The following TNNT1 variants were observed in gnomAD, a reference collection of about 807,000 sequenced individuals.
TNNT1 encodes troponin T, slow skeletal muscle.
In TNNT1, 53 loss-of-function variants were observed where a neutral mutation model predicts 50.6. That is an observed-to-expected ratio of 1.05 (90% CI 0.84 to 1.32). The LOEUF is 1.32. Ranked by LOEUF, TNNT1 falls within the 40% of genes most tolerant of loss-of-function variation. The probability of loss-of-function intolerance (pLI) is 0.00; values close to 1 mark genes in which losing one functional copy is unlikely to be tolerated. For missense variants in TNNT1, 348 were observed against 381.7 expected, an observed-to-expected ratio of 0.91 and a Z score of 0.74; for synonymous variants, 142 against 138.0, an observed-to-expected ratio of 1.03 and a Z score of -0.20.
At chr19:55,145,705 G>A in intron 5 of TNNT1, 140 bp from the exon 6 acceptor site, 2 of 808,920 alleles carry the variant, frequency 2.5e-6, no homozygotes, top group Non-Finnish European at 4.2e-6. Flanking sequence ...CAGTTCTGGA[G>A]GAGGGGGGAT....
Position 55,143,291 on chromosome 19 carries a change from C to T in TNNT1, c.129-1371G>A, listed in dbSNP as rs114376389. ...CTGGGACTATAGGCGTGAGCCACTG[C>T]GCCCAGCCTTTAGTAAGAAATTGTA... On this transcript the variant is annotated intron_variant, in intron 6 of 13. Coordinates refer to ENST00000588981, the MANE Select transcript of TNNT1 (RefSeq NM_003283.6). Among the ~76,000 whole-genome samples, 315 of 152,270 alleles carry T rather than the reference C, an allele frequency of 2.1e-3. 2 individuals are homozygous for T. The highest frequency in any genetic ancestry group is 7.1e-3 in the African/African-American group (297 of 41,550).
At chr19:55,144,406 G>T (rs1192345873) in intron 6 of TNNT1, among the ~76,000 whole-genome samples, 1 of 151,702 alleles carries the variant, frequency 6.6e-6, no homozygotes, top group Non-Finnish European at 1.5e-5. Context: ...TAGAGACAGG[G>T]TCTTGCTCTG....
chr19:55,145,688 T>C, intron 5 of TNNT1, 123 bp from the exon 6 acceptor site: 3 of 969,178 alleles, frequency 3.1e-6, no homozygotes, highest in Non-Finnish European at 3.3e-6. Flanking sequence ...GGAAGGACTC[T>C]GGAGTCCAGT....
intron 7 of TNNT1, among the ~76,000 whole-genome samples, chr19:55,141,505 CTTT>C (rs751662002): frequency 9.0e-5 from 13 of 143,822 alleles, no homozygotes; most frequent in Admixed American, 6.9e-4. Flanking sequence ...GGACCGGCGC[CTTT>C]TTTTTTTTTT....
chr19:55,143,264 T>G (rs1243778395), intron 6 of TNNT1, among the ~76,000 whole-genome samples: 2 of 151,770 alleles, frequency 1.3e-5, no homozygotes, highest in Non-Finnish European at 2.9e-5. Context: ...CCTCCCAGAG[T>G]GCTGGGACTA....
At chr19:55,141,832 T>G (rs2085461618) in intron 7 of TNNT1, 25 bp downstream of exon 7, 2 of 1,613,176 alleles carry the variant, frequency 1.2e-6, no homozygotes, top group Admixed American at 3.3e-5. Flanking sequence ...CAACTGCGCC[T>G]GCGGAGGGGT....
Position 55,134,075 on chromosome 19 carries a change from C to G in TNNT1, c.741G>C (p.Gln247His). 1.9e-6 allele frequency: 3 copies of G among 1,613,016 alleles called. No homozygotes were observed. The highest frequency in any genetic ancestry group is 2.5e-6 in the Non-Finnish European group (3 of 1,179,858). The change falls in exon 12 of 14, where the codon CAG (glutamine) becomes CAC (histidine). Residue 247 changes from glutamine to histidine, a missense_variant. Gln to His is a conservative substitution (Grantham distance 24). Transcript: ENST00000588981. ...KFDLMAKLKQ[Q>H]KYEINVLYNR... ...CGGAGCTGGGTCTCACCTCATATTT[C>G]TGCTGTTTCAGCTTCGCCATCAGGT...
intron 6 of TNNT1, chr19:55,145,309 AG>A: frequency 3.5e-6 from 2 of 567,426 alleles, no homozygotes; most frequent in Non-Finnish European, 6.3e-6. Context: ...ATGAAGAAGA[AG>A]GGGAAGGAGA....
intron 13 of TNNT1, 82 bp from the exon 14 acceptor site, chr19:55,133,042 C>A (rs1429876241): frequency 1.2e-5 from 15 of 1,278,744 alleles, no homozygotes; most frequent in Middle Eastern, 1.8e-4. Flanking sequence ...TTCAGGAAGC[C>A]CATTCCCCAA....
chr19:55,146,662 G>A lies in TNNT1; in HGVS notation c.73+19C>T. The A allele has an allele frequency of 6.9e-7, 1 of 1,446,174 alleles. No homozygotes were observed. The highest frequency in any genetic ancestry group is 9.2e-7 in the Non-Finnish European group (1 of 1,081,740). The allele number at this position is 1,446,174 out of a possible 1,614,324, so 89.6% of individuals were successfully genotyped here. A position where few individuals can be genotyped will look rare whatever the true frequency, so the allele number is the denominator to read the frequency against. On this transcript the variant is annotated intron_variant, in intron 4 of 13. Coordinates refer to ENST00000588981, the MANE Select transcript of TNNT1 (RefSeq NM_003283.6). ...CCCCCCACCCCCCAGCTCCAGACCTGCGGAGTCCGGGACCTCACCTTCCTC... is the reference window on the plus strand; with the variant it reads ...CCCCCCACCCCCCAGCTCCAGACCTACGGAGTCCGGGACCTCACCTTCCTC...
rs2085298945 is a variant in TNNT1, at chr19:55,134,093, C to T, written c.723G>A (p.Met241Ile). Residue 241 changes from methionine (M) to isoleucine (I), a missense_variant, in exon 12 of 14, where the codon ATG becomes ATA. This residue lies in a region of TNNT1 where 253 missense variants were observed against 291.8 expected (regional missense o/e 0.87). Transcript: ENST00000588981. ...CATATTTCTGCTGTTTCAGCTTCGC[C>T]ATCAGGTCGAACTTCTCAGACTCCA... ...HQLESEKFDLMAKLKQQKYEI... is the reference protein window; with the variant it reads ...HQLESEKFDLIAKLKQQKYEI... 6.2e-7 allele frequency: 1 copy of T among 1,612,798 alleles called. No homozygotes were observed. Among genetic ancestry groups the T allele is most frequent in the African/African-American group, 1.3e-5 (1 of 74,928 alleles).
chr19:55,145,820 C>G (rs1389399225), intron 5 of TNNT1, among the ~76,000 whole-genome samples: 1 of 152,040 alleles, frequency 6.6e-6, no homozygotes, highest in East Asian at 1.9e-4. Context: ...CCCCCACCCC[C>G]ACTGTCTGCA....
chr19:55,142,293 C>T (rs537724518), intron 6 of TNNT1, among the ~76,000 whole-genome samples: 5 of 143,784 alleles, frequency 3.5e-5, no homozygotes, highest in South Asian at 2.1e-4. Flanking sequence ...GCTAATTTTT[C>T]TGTATTTTTA....
Position 55,149,196 on chromosome 19 carries a change from TG to T in TNNT1, c.-48del. 2.2e-6 allele frequency: 1 copy of T among 456,296 alleles called. No individual in the cohort carries two copies. The highest frequency in any genetic ancestry group is 4.4e-6 in the Non-Finnish European group (1 of 226,952). The allele number at this position is 456,296 out of a possible 1,614,324, so 28.3% of individuals were successfully genotyped here. A position where few individuals can be genotyped will look rare whatever the true frequency, so the allele number is the denominator to read the frequency against. On this transcript the variant is annotated 5_prime_UTR_variant, in exon 1 of 14. Coordinates refer to ENST00000588981, the MANE Select transcript of TNNT1 (RefSeq NM_003283.6). ...TCTGAGATGCTGTGAATCTTGAGGC[TG>T]AGCCTTGCTGAGGGCACTGAAGCTC...
intron 9 of TNNT1, among the ~76,000 whole-genome samples, chr19:55,138,279 T>TG (rs945795222): frequency 8.9e-5 from 13 of 146,186 alleles, no homozygotes; most frequent in African/African-American, 3.4e-4. Context: ...CCTTCCCCTC[T>TG]GTTTTTTTTT....
chr19:55,147,012 C>CGGCTGCTCCCTGCGGA lies in TNNT1; in HGVS notation c.33-7_41dup (p.Glu15ProfsTer53), dbSNP rs2085569868. The CGGCTGCTCCCTGCGGA allele has an allele frequency of 6.2e-7, 1 of 1,610,574 alleles. No homozygotes were observed. Among genetic ancestry groups the CGGCTGCTCCCTGCGGA allele is most frequent in the Non-Finnish European group, 8.5e-7 (1 of 1,178,766 alleles). ...GCCGGCCCACTCCCTACTCACCTTC[C>CGGCTGCTCCCTGCGGA]GGCTGCTCCCTGCGGACGGGTGTGG... On this transcript the variant is annotated frameshift_variant, in exon 3 of 14. Coordinates refer to ENST00000588981, the MANE Select transcript of TNNT1 (RefSeq NM_003283.6). LOFTEE classifies it high-confidence loss of function.
chr19:55,137,138 A>G lies in TNNT1; in HGVS notation c.576T>C (p.Pro192=). The change falls in exon 11 of 14, where the codon CCT becomes CCC. Residue 192 remains proline, a synonymous_variant. Coordinates refer to ENST00000588981, the MANE Select transcript of TNNT1 (RefSeq NM_003283.6). The stretch of plus-strand genomic sequence containing the variant: ...CCTCCCCCATGTAGTCAATGTCCAG[A>G]GGCTTCTTACGCTCGGAGAGGATGC... The part of the protein sequence containing the change: ...KVRILSERKK[P]LDIDYMGEEQ... 3 of 1,611,044 alleles carry G rather than the reference A, an allele frequency of 1.9e-6. No individual in the cohort carries two copies. Among genetic ancestry groups the G allele is most frequent in the Non-Finnish European group, 2.5e-6 (3 of 1,178,812 alleles).
At chr19:55,142,250 A>G (rs2147257939) in intron 6 of TNNT1, among the ~76,000 whole-genome samples, 2 of 151,320 alleles carry the variant, frequency 1.3e-5, no homozygotes, top group Middle Eastern at 3.4e-3. Flanking sequence ...CCTCCCGAGT[A>G]GCTGGGACTA....
At position 55,137,942 on chromosome 19, in the gene TNNT1, C is replaced by T. The variant is rs1395323483; in HGVS notation, c.501+19G>A. The T allele has an allele frequency of 3.7e-6, 6 of 1,614,162 alleles. No individual in the cohort carries two copies. The South Asian group carries it at 6.6e-5, about 18-fold the overall frequency. ...GCCCCCTCAGAACTCAGACCTCAGG[C>T]TCCTGCAGGCTGACTCACCTTGACC... On this transcript the variant is annotated intron_variant, in intron 10 of 13. Transcript: ENST00000588981.
Sources: allele counts gnomAD v4.1 joint callset (sites outside exome capture counted in the v4.1 genomes callset), GRCh38; gene constraint gnomAD v4.1.1; regional missense constraint gnomAD v4.1.1; transcripts MANE v1.5; gene names NCBI Gene and HGNC (gene_info 2026-07-23, HGNC 2026-07-21).